The following B3GALT1 variants were observed in gnomAD, a reference collection of about 807,000 sequenced individuals.
B3GALT1 encodes the protein UDP-Gal:betaGlcNAc beta 1,3-galactosyltransferase, polypeptide 1.
Under a neutral mutation model 23.2 loss-of-function variants are expected in B3GALT1, and 10 were observed. That is an observed-to-expected ratio of 0.43 (90% CI 0.27 to 0.73). The LOEUF (loss-of-function observed/expected upper bound fraction) is 0.73. B3GALT1 is among the 30% of genes least tolerant of loss of function. The pLI is 0.21. For missense variants in B3GALT1, 299 were observed against 405.4 expected (o/e 0.74, Z 2.25); for synonymous variants, 156 against 141.5 (o/e 1.10, Z -0.73).
chr2:167,393,506 C>T (rs139853142), intron 1 of B3GALT1, among the ~76,000 whole-genome samples: 3 of 152,128 alleles, frequency 2.0e-5, no homozygotes, highest in African/African-American at 4.8e-5. Flanking sequence ...TATTAGAAAA[C>T]GAAACAGCTA....
intron 1 of B3GALT1, among the ~76,000 whole-genome samples, chr2:167,363,971 C>T (rs1002686022): frequency 2.6e-5 from 4 of 151,792 alleles, no homozygotes; most frequent in Non-Finnish European, 5.9e-5. Context: ...CCAGCCTGGC[C>T]AACATGGTGA....
chr2:167,575,619 G>T (rs1463698741), intron 2 of B3GALT1, among the ~76,000 whole-genome samples: 3 of 151,790 alleles, frequency 2.0e-5, no homozygotes, highest in African/African-American at 7.2e-5. Flanking sequence ...TCTCTATCTT[G>T]TGTCTGAGGA....
intron 1 of B3GALT1, 92 bp from the exon 2 acceptor site, chr2:167,490,085 T>C (rs1210684039): frequency 6.6e-6 from 1 of 152,200 alleles, no homozygotes; most frequent in African/African-American, 2.4e-5. Context: ...TTTTATGAAC[T>C]GGTAAAAAGA....
intron 3 of B3GALT1, among the ~76,000 whole-genome samples, chr2:167,648,464 A>G (rs1685794801): frequency 6.6e-6 from 1 of 152,028 alleles, no homozygotes; most frequent in Admixed American, 6.6e-5. Flanking sequence ...TACTCATCCC[A>G]TCTCTGTCCA....
At chr2:167,790,660 G>C (rs963824851) in intron 3 of B3GALT1, among the ~76,000 whole-genome samples, 2 of 152,154 alleles carry the variant, frequency 1.3e-5, no homozygotes, top group Non-Finnish European at 2.9e-5. Context: ...CCACATTCTT[G>C]TGTAAATCCT....
At chr2:167,502,967 A>G (rs1353990032) in intron 2 of B3GALT1, among the ~76,000 whole-genome samples, 1 of 152,150 alleles carries the variant, frequency 6.6e-6, no homozygotes, top group Admixed American at 6.5e-5. Context: ...TGAACCTGGG[A>G]GGCAGAGGTT....
At chr2:167,543,712 T>G (rs1683575141) in intron 2 of B3GALT1, among the ~76,000 whole-genome samples, 1 of 152,168 alleles carries the variant, frequency 6.6e-6, no homozygotes, top group African/African-American at 2.4e-5. Context: ...AAAAAGTGTT[T>G]AGTAGGAGTC....
At chr2:167,615,663 A>T (rs1326303172) in intron 2 of B3GALT1, among the ~76,000 whole-genome samples, 2 of 152,090 alleles carry the variant, frequency 1.3e-5, no homozygotes, top group African/African-American at 4.8e-5. Context: ...AATAAAAAAA[A>T]ATTGAAAAGC....
intron 2 of B3GALT1, among the ~76,000 whole-genome samples, chr2:167,522,846 C>G (rs566423147): frequency 6.6e-6 from 1 of 152,240 alleles, no homozygotes; most frequent in African/African-American, 2.4e-5. Context: ...CCGTAGACTT[C>G]ACTGGAGTCT....
At chr2:167,595,234 C>G (rs1251104779) in intron 2 of B3GALT1, among the ~76,000 whole-genome samples, 2 of 152,018 alleles carry the variant, frequency 1.3e-5, no homozygotes, top group Non-Finnish European at 2.9e-5. Flanking sequence ...GAAAGAAGGT[C>G]AACACTAGGG....
intron 3 of B3GALT1, among the ~76,000 whole-genome samples, chr2:167,648,518 A>C (rs1217094417): frequency 2.0e-5 from 3 of 152,090 alleles, no homozygotes; most frequent in Non-Finnish European, 2.9e-5. Flanking sequence ...CTAATTTGCC[A>C]TATGAAATAT....
intron 1 of B3GALT1, among the ~76,000 whole-genome samples, chr2:167,294,450 A>G (rs929714283): frequency 2.6e-5 from 4 of 152,232 alleles, no homozygotes; most frequent in African/African-American, 7.2e-5. Context: ...CAGAAGGCGA[A>G]TTCTTTGCGC....
At chr2:167,557,108 C>T (rs1044367166) in intron 2 of B3GALT1, among the ~76,000 whole-genome samples, 4 of 151,746 alleles carry the variant, frequency 2.6e-5, no homozygotes, top group Non-Finnish European at 4.4e-5. Flanking sequence ...GAACTACTGA[C>T]TATAAAAGCT....
At chr2:167,700,155 C>A (rs552338207) in intron 3 of B3GALT1, among the ~76,000 whole-genome samples, 1 of 152,272 alleles carries the variant, frequency 6.6e-6, no homozygotes, top group East Asian at 1.9e-4. Flanking sequence ...GAGGCTGAGG[C>A]AGCAGGATCC....
At chr2:167,357,240 ATTAAC>A (rs1697430424) in intron 1 of B3GALT1, among the ~76,000 whole-genome samples, 1 of 152,024 alleles carries the variant, frequency 6.6e-6, no homozygotes, top group African/African-American at 2.4e-5. Flanking sequence ...GTTTTCTCCA[ATTAAC>A]TTACATTTCT....
At chr2:167,589,951 C>CT (rs1184054268) in intron 2 of B3GALT1, among the ~76,000 whole-genome samples, 1 of 152,102 alleles carries the variant, frequency 6.6e-6, no homozygotes, top group Non-Finnish European at 1.5e-5. Flanking sequence ...CTATCCTTAA[C>CT]TTTATCATTT....
At chr2:167,374,467 T>C (rs1697733403) in intron 1 of B3GALT1, among the ~76,000 whole-genome samples, 1 of 152,230 alleles carries the variant, frequency 6.6e-6, no homozygotes, top group Non-Finnish European at 1.5e-5. Context: ...TGAACTACTT[T>C]ACATTCCCAC....
intron 1 of B3GALT1, among the ~76,000 whole-genome samples, chr2:167,299,868 C>A (rs1321566168): frequency 6.6e-6 from 1 of 150,692 alleles, no homozygotes; most frequent in Non-Finnish European, 1.5e-5. Context: ...ATTTATATAA[C>A]ATATATTCTT....
At chr2:167,678,470 C>T (rs1686467820) in intron 3 of B3GALT1, among the ~76,000 whole-genome samples, 1 of 119,738 alleles carries the variant, frequency 8.4e-6, no homozygotes, top group African/African-American at 2.6e-5. Context: ...ATGACTGCAC[C>T]TTATTATTTT....
Sources: allele counts gnomAD v4.1 joint callset (sites outside exome capture counted in the v4.1 genomes callset), GRCh38; gene constraint gnomAD v4.1.1; transcripts MANE v1.5; gene names NCBI Gene and HGNC (gene_info 2026-07-23, HGNC 2026-07-21).